The following ELP1 variants were observed in gnomAD, a reference collection of about 807,000 sequenced individuals.
ELP1 encodes the protein elongator acetyltransferase complex subunit 1.
Under a neutral mutation model 183.2 loss-of-function variants are expected in ELP1, and 131 were observed. The ratio of observed to expected loss-of-function variants is 0.72; its 90% CI spans 0.62 to 0.83. The LOEUF (loss-of-function observed/expected upper bound fraction) is 0.83. ELP1 is among the 40% of genes least tolerant of loss of function. The pLI is 0.00. For synonymous variants in ELP1, 555 were observed against 569.0 expected, an observed-to-expected ratio of 0.98 and a Z score of 0.35; for missense variants, 1,550 against 1,594.9, an observed-to-expected ratio of 0.97 and a Z score of 0.48.
chr9:108,905,219 T>C (rs967213907), intron 14 of ELP1, among the ~76,000 whole-genome samples: 2 of 152,212 alleles, frequency 1.3e-5, no homozygotes, highest in African/African-American at 2.4e-5. Context: ...GTAATGTATA[T>C]ATATAAAGGA....
intron 36 of ELP1, among the ~76,000 whole-genome samples, chr9:108,871,291 G>T (rs1827447594): frequency 6.6e-6 from 1 of 150,898 alleles, no homozygotes; most frequent in Non-Finnish European, 1.5e-5. Flanking sequence ...AGAGATGTGT[G>T]TTTGGGGGCA....
chr9:108,875,704 G>A (rs373951038), intron 35 of ELP1: 1 of 421,032 alleles, frequency 2.4e-6, no homozygotes. Flanking sequence ...AGACCAGCTT[G>A]GGCAACACAG....
chr9:108,909,624 A>G (rs1829139451), intron 12 of ELP1, among the ~76,000 whole-genome samples: 1 of 152,108 alleles, frequency 6.6e-6, no homozygotes, highest in Admixed American at 6.5e-5. Context: ...TGGATTTGTT[A>G]TGATCTTTCT....
At chr9:108,930,231 G>GA (rs1435853622) in intron 2 of ELP1, among the ~76,000 whole-genome samples, 10 of 152,152 alleles carry the variant, frequency 6.6e-5, no homozygotes, top group Admixed American at 5.9e-4. Context: ...ATAGTATGGG[G>GA]AAAAGGCACT....
intron 12 of ELP1, among the ~76,000 whole-genome samples, chr9:108,908,670 A>G (rs372002717): frequency 1.3e-5 from 2 of 152,240 alleles, no homozygotes; most frequent in Non-Finnish European, 2.9e-5. Context: ...ACTGTCTTCA[A>G]CCACCTCTCA....
At chr9:108,925,125 C>T (rs1328495798) in intron 5 of ELP1, among the ~76,000 whole-genome samples, 1 of 152,110 alleles carries the variant, frequency 6.6e-6, no homozygotes, top group Admixed American at 6.6e-5. Context: ...AACCTCCTAC[C>T]TGATCACCCT....
At chr9:108,898,813 A>G in intron 20 of ELP1, 64 bp from the exon 21 acceptor site, 1 of 1,079,554 alleles carries the variant, frequency 9.3e-7, no homozygotes, top group South Asian at 1.3e-5. Context: ...TGGGCCCAGC[A>G]TATTTTCATT....
chr9:108,893,019 C>T lies in ELP1; in HGVS notation c.2925G>A (p.Leu975=), dbSNP rs1828402699. The T allele has an allele frequency of 6.2e-7, 1 of 1,613,702 alleles. No homozygotes were observed. The highest frequency in any genetic ancestry group is 8.5e-7 in the Non-Finnish European group (1 of 1,179,622). Residue 975 remains leucine, a synonymous_variant, in exon 27 of 37, where the codon CTG becomes CTA. Coordinates refer to ENST00000374647, the MANE Select transcript of ELP1 (RefSeq NM_003640.5). ...GTTGTGAGCTTGGTGAATATAACTT[C>T]AGAGCTTCGTTATACAAGTTTTTAT... ...IKDKNLYNEA[L]KLYSPSSQQY...
intron 8 of ELP1, among the ~76,000 whole-genome samples, chr9:108,918,023 C>T (rs569677986): frequency 1.3e-5 from 2 of 152,312 alleles, no homozygotes; most frequent in East Asian, 3.9e-4. Context: ...TCTATTTCTC[C>T]TTCCATTATA....
At chr9:108,916,374 T>C in intron 9 of ELP1, 77 bp from the exon 10 acceptor site, 1 of 1,148,220 alleles carries the variant, frequency 8.7e-7, no homozygotes, top group Non-Finnish European at 1.3e-6. Flanking sequence ...CTGTATTTCC[T>C]CTCTCAAATC....
At chr9:108,878,192 G>C (rs1486923998) in intron 34 of ELP1, 43 bp from the exon 35 acceptor site, 1 of 1,542,908 alleles carries the variant, frequency 6.5e-7, no homozygotes, top group South Asian at 1.1e-5. Flanking sequence ...TATATTCCCA[G>C]CTCCATTGAC....
At chr9:108,909,379 T>C (rs1422538958) in intron 12 of ELP1, among the ~76,000 whole-genome samples, 1 of 151,968 alleles carries the variant, frequency 6.6e-6, no homozygotes, top group Non-Finnish European at 1.5e-5. Flanking sequence ...CAAGAAGCAA[T>C]GAGGGGGAAA....
chr9:108,892,904 G>T, intron 27 of ELP1, 82 bp downstream of exon 27: 9 of 922,470 alleles, frequency 9.8e-6, no homozygotes, highest in Non-Finnish European at 1.3e-5. Context: ...CAAGGATGGT[G>T]TTATGAACTT....
At chr9:108,892,296 G>A (rs538156888) in intron 27 of ELP1, among the ~76,000 whole-genome samples, 5 of 152,314 alleles carry the variant, frequency 3.3e-5, no homozygotes, top group South Asian at 4.1e-4. Context: ...GGAATCACAC[G>A]ATGTGACATC....
In ELP1 at chr9:108,897,156, A is replaced by G; in HGVS notation, c.2493T>C (p.Asn831=). Reference sequence around the variant, plus strand: ...GGTGACAGCATACATACTTATGAGGATTTATGCTCTCCATGACTGCTCTCA... The same window carrying G: ...GGTGACAGCATACATACTTATGAGGGTTTATGCTCTCCATGACTGCTCTCA... The part of the protein sequence containing the change: ...DAMRAVMESI[N]PHKYCLSILT... Residue 831 remains asparagine, a synonymous_variant, in exon 23 of 37, where the codon AAT becomes AAC. Transcript: ENST00000374647. The G allele has an allele frequency of 6.2e-7, 1 of 1,614,142 alleles. No homozygotes were observed. Among genetic ancestry groups the G allele is most frequent in the Non-Finnish European group, 8.5e-7 (1 of 1,180,032 alleles).
In ELP1 at chr9:108,897,193, A is replaced by G; in HGVS notation, c.2456T>C (p.Val819Ala). Residue 819 changes from valine (V) to alanine (A), a missense_variant, in exon 23 of 37, where the codon GTC becomes GCC. Coordinates refer to ENST00000374647, the MANE Select transcript of ELP1 (RefSeq NM_003640.5). ...RDPDGNKIDLVCDAMRAVMES... is the reference protein window; with the variant it reads ...RDPDGNKIDLACDAMRAVMES... ...CATGACTGCTCTCATAGCATCGCAG[A>G]CAAGGTCTATTTTATTCCCGTCAGG... 6.2e-7 allele frequency: 1 copy of G among 1,614,176 alleles called. No homozygotes were observed. The highest frequency in any genetic ancestry group is 1.1e-5 in the South Asian group (1 of 91,078).
In ELP1 at chr9:108,926,513, C is replaced by G; in HGVS notation, c.466+10G>C. 6.2e-7 allele frequency: 1 copy of G among 1,605,450 alleles called. No individual in the cohort carries two copies. The highest frequency in any genetic ancestry group is 8.5e-7 in the Non-Finnish European group (1 of 1,173,706). On this transcript the variant is annotated intron_variant, in intron 5 of 36. Coordinates refer to ENST00000374647, the MANE Select transcript of ELP1 (RefSeq NM_003640.5). ...GTAGGTCACAAAATATTGCACAAAG[C>G]TATACTTACTTTCACCAAAATCATC... is the stretch of plus-strand genomic sequence containing the variant.
chr9:108,930,906 A>G (rs1001531368), intron 2 of ELP1, 91 bp downstream of exon 2: 13 of 1,205,986 alleles, frequency 1.1e-5, no homozygotes, highest in Middle Eastern at 2.1e-4. Flanking sequence ...ATTCAATAAG[A>G]TATAAAGAAA....
At chr9:108,924,526 C>T (rs571384494) in intron 5 of ELP1, among the ~76,000 whole-genome samples, 29 of 152,192 alleles carry the variant, frequency 1.9e-4, no homozygotes, top group Middle Eastern at 3.4e-3. Context: ...CTTTCCCATC[C>T]CAAAGTATAC....
Sources: allele counts gnomAD v4.1 joint callset (sites outside exome capture counted in the v4.1 genomes callset), GRCh38; gene constraint gnomAD v4.1.1; transcripts MANE v1.5; gene names NCBI Gene and HGNC (gene_info 2026-07-23, HGNC 2026-07-21).